The following SHISAL1 variants were observed in gnomAD, a reference collection of about 807,000 sequenced individuals.
SHISAL1 encodes the protein shisa like 1, also known as protein shisa-like-1.
A neutral mutation model predicts 22.6 loss-of-function variants in SHISAL1; 9 were observed. The observed-to-expected ratio is 0.40, with a 90% confidence interval of 0.24 to 0.70. SHISAL1 has a LOEUF of 0.70. Among genes scored for constraint, SHISAL1 ranks in the 30% least tolerant of loss-of-function variants. The pLI is 0.39. For synonymous variants in SHISAL1, 119 were observed against 115.4 expected, an observed-to-expected ratio of 1.03 and a Z score of -0.20; for missense variants, 246 against 270.6, an observed-to-expected ratio of 0.91 and a Z score of 0.64.
At chr22:44,274,296 G>C (rs532369292) in intron 4 of SHISAL1, among the ~76,000 whole-genome samples, 246 of 152,138 alleles carry the variant, frequency 1.6e-3, no homozygotes, top group Non-Finnish European at 3.1e-3. Context: ...TGCTGGAGAG[G>C]GTGCCCCAAA....
At chr22:44,326,514 A>C in the SHISAL1 span, among the ~76,000 whole-genome samples, 1 of 150,900 alleles carries the variant, frequency 6.6e-6, no homozygotes, top group Non-Finnish European at 1.5e-5. Flanking sequence ...AAGTGTGACC[A>C]AAAAAAAATT....
intron 4 of SHISAL1, among the ~76,000 whole-genome samples, chr22:44,255,175 T>C (rs2055075875): frequency 6.6e-6 from 1 of 152,084 alleles, no homozygotes; most frequent in African/African-American, 2.4e-5. Flanking sequence ...AAACACTGTA[T>C]GTTGATATAT....
In SHISAL1 at chr22:44,300,859, A is replaced by G. The variant is rs2055423377; in HGVS notation, c.67+20T>C. 1.3e-6 allele frequency: 2 copies of G among 1,581,246 alleles called. No individual in the cohort carries two copies. The highest frequency in any genetic ancestry group is 2.2e-5 in the South Asian group (2 of 90,456). On this transcript the variant is annotated intron_variant, in intron 2 of 4. Transcript: ENST00000381176. ...ACCCCCACGTGCCGCCCCCGCCCCCAGCATCCACGGAGGTTTTACCTGCAG... is the reference window on the plus strand; with the variant it reads ...ACCCCCACGTGCCGCCCCCGCCCCCGGCATCCACGGAGGTTTTACCTGCAG...
At chr22:44,259,370 G>A (rs553937711) in intron 4 of SHISAL1, among the ~76,000 whole-genome samples, 19 of 152,042 alleles carry the variant, frequency 1.2e-4, no homozygotes, top group East Asian at 7.7e-4. Flanking sequence ...CCTGGGAGGC[G>A]GAGGTTGCAG....
chr22:44,300,168 G>C, intron 2 of SHISAL1, among the ~76,000 whole-genome samples: 1 of 151,676 alleles, frequency 6.6e-6, no homozygotes, highest in South Asian at 2.1e-4. Context: ...GAGACAGAGA[G>C]AGATAGAGAT....
upstream of SHISAL1, among the ~76,000 whole-genome samples, chr22:44,315,059 C>T (rs1007073109): frequency 3.9e-5 from 6 of 152,062 alleles, no homozygotes; most frequent in South Asian, 2.1e-4. Context: ...TGCTTGGGAG[C>T]GCACAGGCTG....
chr22:44,286,767 C>G (rs1474700779), intron 3 of SHISAL1, among the ~76,000 whole-genome samples: 1 of 152,206 alleles, frequency 6.6e-6, no homozygotes, highest in African/African-American at 2.4e-5. Context: ...GACCTGTGCC[C>G]AGAGTGGATG....
At chr22:44,263,290 C>G (rs909197206) in intron 4 of SHISAL1, among the ~76,000 whole-genome samples, 3 of 151,958 alleles carry the variant, frequency 2.0e-5, no homozygotes, top group Non-Finnish European at 4.4e-5. Context: ...AGGCTGGTCT[C>G]GAACTCCTGA....
chr22:44,291,180 C>T (rs1345994553), intron 3 of SHISAL1, among the ~76,000 whole-genome samples: 1 of 152,180 alleles, frequency 6.6e-6, no homozygotes, highest in Non-Finnish European at 1.5e-5. Context: ...TACAGCAGGG[C>T]CATCCTACCC....
chr22:44,286,314 G>C (rs2055315161), intron 3 of SHISAL1, among the ~76,000 whole-genome samples: 1 of 152,182 alleles, frequency 6.6e-6, no homozygotes. Context: ...ACACGACCAG[G>C]CTGTGCATGG....
the SHISAL1 span, among the ~76,000 whole-genome samples, chr22:44,320,220 G>A: frequency 4.6e-5 from 7 of 152,224 alleles, no homozygotes; most frequent in Non-Finnish European, 1.0e-4. Flanking sequence ...AGGGACAGAA[G>A]GACCTCCCTC....
chr22:44,248,278 T>G lies in SHISAL1; in HGVS notation c.*1407A>C, dbSNP rs1038637806. 1 of 145,994 alleles carries G rather than the reference T, an allele frequency of 6.8e-6. No individual in the cohort carries two copies. Among genetic ancestry groups the G allele is most frequent in the African/African-American group, 2.8e-5 (1 of 35,602 alleles). The allele number at this position is 145,994 out of a possible 1,614,324, so 9.0% of individuals were successfully genotyped here. On this transcript the variant is annotated 3_prime_UTR_variant, in exon 5 of 5. Transcript: ENST00000381176. ...GTCAGTGTGAGAACACTAGGTCTGA[T>G]GAAATGAGGAAACTGCGTCAGAGGA...
rs569859735 is a variant in SHISAL1 at position 44,285,239 on chromosome 22, G to A, written c.599+189C>T. ...AAGCTCTGTTTCCACCTCTCATTTT[G>A]ACTTTCCTGTCTAGGCATGTGTTGT... On this transcript the variant is annotated intron_variant, in intron 4 of 4. Coordinates refer to ENST00000381176, the MANE Select transcript of SHISAL1 (RefSeq NM_001099294.2). Among the ~76,000 whole-genome samples the A allele has an allele frequency of 3.9e-5, 6 of 152,272 alleles. No homozygotes were observed. In the South Asian group the frequency reaches 1.2e-3, roughly 32 times the overall value.
chr22:44,296,109 T>C (rs1185252279), intron 3 of SHISAL1, among the ~76,000 whole-genome samples: 2 of 152,196 alleles, frequency 1.3e-5, no homozygotes, highest in South Asian at 2.1e-4. Context: ...TTAGCTTCTA[T>C]GGTAACCCTG....
At position 44,295,306 on chromosome 22, in the gene SHISAL1, G is replaced by A. The variant is rs561693003; in HGVS notation, c.281+1366C>T. On this transcript the variant is annotated intron_variant, in intron 3 of 4. Transcript: ENST00000381176. ...AAAAGAGATGGCCAATTTAATAAAT[G>A]GTGTTGGAATAACCAGCTACCCATT... Among the ~76,000 whole-genome samples, 6 of 151,478 alleles carry A rather than the reference G, an allele frequency of 4.0e-5. No homozygotes were observed. The South Asian group carries it at 1.1e-3, about 27-fold the overall frequency.
At chr22:44,253,022 A>G (rs2055059578) in intron 4 of SHISAL1, among the ~76,000 whole-genome samples, 2 of 151,954 alleles carry the variant, frequency 1.3e-5, no homozygotes. Flanking sequence ...ATAAAAAAAA[A>G]GGGCAGATGA....
At position 44,252,097 on chromosome 22, in the gene SHISAL1, C is replaced by T. The variant is rs573152824; in HGVS notation, c.*-2412G>A. ...GCCAATCTAAAGATTATGACCATCA[C>T]AGAGAAGAATGAAACAAAACAGAGA... On this transcript the variant is annotated intron_variant, in intron 4 of 4. Coordinates refer to ENST00000381176, the MANE Select transcript of SHISAL1 (RefSeq NM_001099294.2). 1.5e-4 allele frequency among the ~76,000 whole-genome samples: 23 copies of T among 152,104 alleles called. No individual in the cohort carries two copies. In the South Asian group the frequency reaches 4.8e-3, roughly 32 times the overall value.
intron 4 of SHISAL1, among the ~76,000 whole-genome samples, chr22:44,259,582 T>C (rs1479049125): frequency 1.3e-5 from 2 of 152,108 alleles, no homozygotes; most frequent in South Asian, 2.1e-4. Flanking sequence ...CGAGAAGCAC[T>C]TCCTGCCCCT....
chr22:44,266,373 T>A (rs187874073), intron 4 of SHISAL1, among the ~76,000 whole-genome samples: 1 of 143,184 alleles, frequency 7.0e-6, no homozygotes, highest in African/African-American at 2.7e-5. Context: ...GACGAGGCAG[T>A]GGGGTGTGTT....
Sources: gnomAD v4.1 joint callset for allele counts (sites outside exome capture counted in the v4.1 genomes callset) on GRCh38, gnomAD v4.1.1 for gene constraint, MANE v1.5 for transcripts, NCBI Gene and HGNC (gene_info 2026-07-23, HGNC 2026-07-21) for gene names.